Variants in GLRA2 observed in about 807,000 individuals in gnomAD.
GLRA2 encodes glycine receptor subunit alpha-2.
A neutral mutation model predicts 31.6 loss-of-function variants in GLRA2; 11 were observed. The ratio of observed to expected loss-of-function variants is 0.35; its 90% CI spans 0.22 to 0.58. The LOEUF (loss-of-function observed/expected upper bound fraction) is 0.58, where lower values mean the gene tolerates loss of function less well. Ranked by LOEUF, GLRA2 falls within the 20% of genes least tolerant of loss-of-function variation. The probability of loss-of-function intolerance (pLI) is 0.84; values close to 1 mark genes in which losing one functional copy is unlikely to be tolerated. For synonymous variants in GLRA2, 132 were observed against 134.0 expected (o/e 0.99, Z 0.10); for missense variants, 212 against 351.8 (o/e 0.60, Z 3.18).
At chrX:14,463,300 G>A in the GLRA2 span, among the ~76,000 whole-genome samples, 5 of 111,585 alleles carry the variant, frequency 4.5e-5, no homozygotes, top group Admixed American at 9.5e-5. Flanking sequence ...CAGGCTACAC[G>A]GGGTCAGGGA....
chrX:14,610,084 A>G (rs75647432), intron 7 of GLRA2, among the ~76,000 whole-genome samples: 1 of 112,055 alleles, frequency 8.9e-6, no homozygotes, highest in Non-Finnish European at 1.9e-5. Context: ...ATTGGCTTCA[A>G]TTTTCCAGAA....
At chrX:14,483,393 C>T in the GLRA2 span, among the ~76,000 whole-genome samples, 4 of 112,086 alleles carry the variant, frequency 3.6e-5, no homozygotes, top group East Asian at 2.8e-4. Flanking sequence ...GTGACTATAC[C>T]TCAATTTCCT....
rs904193332 is a variant in GLRA2, at chrX:14,684,000, T to C, written c.931-6710T>C. On this transcript the variant is annotated intron_variant, in intron 7 of 8. Transcript: ENST00000218075. ...TGACATTAATTTGATGGGATTTTGC[T>C]ACGTGAATGTACAGAATAGTAAAAC... Among the ~76,000 whole-genome samples the C allele has an allele frequency of 1.3e-4, 14 of 111,352 alleles. No individual in the cohort carries two copies. In the South Asian group the frequency reaches 1.5e-3, roughly 12 times the overall value.
chrX:14,544,465 C>A (rs66985705), intron 2 of GLRA2, among the ~76,000 whole-genome samples: 4,404 of 111,348 alleles, frequency 0.04, 232 homozygotes, highest in African/African-American at 0.14. Context: ...TGTAGTTGTG[C>A]AATTTCCACT....
At chrX:14,589,402 G>A (rs1222676562) in intron 4 of GLRA2, among the ~76,000 whole-genome samples, 2 of 107,534 alleles carry the variant, frequency 1.9e-5, no homozygotes, top group Non-Finnish European at 3.8e-5. Flanking sequence ...GCTCATGCCT[G>A]TAATCCCAGC....
At chrX:14,622,867 T>G (rs981518719) in intron 7 of GLRA2, among the ~76,000 whole-genome samples, 8 of 110,626 alleles carry the variant, frequency 7.2e-5, no homozygotes, top group African/African-American at 2.6e-4. Flanking sequence ...GAACTTTAGT[T>G]GTTTCCAATT....
intron 7 of GLRA2, among the ~76,000 whole-genome samples, chrX:14,624,807 TAAG>T (rs1347061921): frequency 8.9e-6 from 1 of 112,063 alleles, no homozygotes; most frequent in Non-Finnish European, 1.9e-5. Context: ...GATGTGGTGC[TAAG>T]AAGAATGTAT....
intron 4 of GLRA2, among the ~76,000 whole-genome samples, chrX:14,598,705 A>C (rs2090235442): frequency 9.0e-6 from 1 of 111,470 alleles, no homozygotes; most frequent in Admixed American, 9.6e-5. Flanking sequence ...AACCTTTCCC[A>C]TTTCCACAGA....
At chrX:14,572,947 A>T (rs1162303337) in intron 2 of GLRA2, among the ~76,000 whole-genome samples, 1 of 111,857 alleles carries the variant, frequency 8.9e-6, no homozygotes, top group Non-Finnish European at 1.9e-5. Context: ...AGTGTGCATA[A>T]GAACACACTT....
chrX:14,648,018 G>GT (rs1435517564), intron 7 of GLRA2, among the ~76,000 whole-genome samples: 1 of 112,484 alleles, frequency 8.9e-6, no homozygotes, highest in Non-Finnish European at 1.9e-5. Context: ...GCCAACATTA[G>GT]TTTACAACAT....
intron 7 of GLRA2, among the ~76,000 whole-genome samples, chrX:14,652,336 T>C (rs376736419): frequency 1.8e-5 from 2 of 111,584 alleles, no homozygotes; most frequent in East Asian, 5.7e-4. Context: ...CTGGTGTCCT[T>C]GACACAGCAG....
At chrX:14,701,038 G>A (rs2091533327) in intron 8 of GLRA2, among the ~76,000 whole-genome samples, 1 of 110,248 alleles carries the variant, frequency 9.1e-6, no homozygotes, top group African/African-American at 3.3e-5. Flanking sequence ...AGGCGGACAG[G>A]ATTTTGAAGG....
At chrX:14,556,667 C>T (rs182986624) in intron 2 of GLRA2, among the ~76,000 whole-genome samples, 3 of 112,128 alleles carry the variant, frequency 2.7e-5, no homozygotes, top group African/African-American at 9.7e-5. Flanking sequence ...ATAAACTGTT[C>T]ACTTTAAGGT....
the GLRA2 span, among the ~76,000 whole-genome samples, chrX:14,514,819 G>A: frequency 9.1e-6 from 1 of 110,451 alleles, no homozygotes; most frequent in African/African-American, 3.3e-5. Context: ...CTTTATTCCA[G>A]TGTGGTGTCA....
At chrX:14,609,333 GA>G in intron 7 of GLRA2, 128 bp downstream of exon 7, 1 of 405,670 alleles carries the variant, frequency 2.5e-6, no homozygotes. Flanking sequence ...GCAATAAGAG[GA>G]CAAGAAGCTG....
intron 2 of GLRA2, among the ~76,000 whole-genome samples, chrX:14,551,881 G>A (rs1185399989): frequency 3.6e-5 from 4 of 111,751 alleles, no homozygotes; most frequent in Non-Finnish European, 7.5e-5. Context: ...CAGGGAATAG[G>A]AAAGGGAAAA....
chrX:14,535,532 AAAC>A (rs1373905809), intron 2 of GLRA2, among the ~76,000 whole-genome samples: 2 of 112,572 alleles, frequency 1.8e-5, no homozygotes, highest in Non-Finnish European at 3.8e-5. Flanking sequence ...ACAAGTGTAT[AAAC>A]AAAGTCATGA....
chrX:14,630,288 C>A (rs985211889), intron 7 of GLRA2, among the ~76,000 whole-genome samples: 16 of 111,741 alleles, frequency 1.4e-4, no homozygotes, highest in African/African-American at 4.5e-4. Flanking sequence ...TTCACACTTG[C>A]ACTGTTTCCA....
chrX:14,669,853 G>A (rs1010689869), intron 7 of GLRA2, among the ~76,000 whole-genome samples: 1 of 112,411 alleles, frequency 8.9e-6, no homozygotes, highest in Non-Finnish European at 1.9e-5. Flanking sequence ...TTGTCTTGGT[G>A]ATTAATATTT....
Sources: gnomAD v4.1 joint callset for allele counts (sites outside exome capture counted in the v4.1 genomes callset) on GRCh38, gnomAD v4.1.1 for gene constraint, MANE v1.5 for transcripts, NCBI Gene and HGNC (gene_info 2026-07-23, HGNC 2026-07-21) for gene names.